Variants in CWC22 observed in about 807,000 individuals in gnomAD.
CWC22 encodes pre-mRNA-splicing factor CWC22 homolog.
CWC22 carries 53 observed loss-of-function variants against 117.2 expected under a neutral mutation model. The ratio of observed to expected loss-of-function variants is 0.45; its 90% CI spans 0.36 to 0.57. The LOEUF (loss-of-function observed/expected upper bound fraction) is 0.57. Ranked by LOEUF, CWC22 falls within the 20% of genes least tolerant of loss-of-function variation. The pLI, the probability that CWC22 is intolerant of heterozygous loss-of-function variation, is 0.00. For synonymous variants in CWC22, 360 were observed against 355.6 expected (o/e 1.01, Z -0.14); for missense variants, 980 against 1,068.8 (o/e 0.92, Z 1.16).
intron 5 of CWC22, among the ~76,000 whole-genome samples, chr2:179,978,930 T>C (rs1193391551): frequency 6.6e-6 from 1 of 152,164 alleles, no homozygotes; most frequent in Non-Finnish European, 1.5e-5. Context: ...GCTATACCAG[T>C]TGAATGTTAG....
intron 16 of CWC22, among the ~76,000 whole-genome samples, chr2:179,953,642 A>G (rs1238311103): frequency 6.6e-6 from 1 of 152,122 alleles, no homozygotes; most frequent in African/African-American, 2.4e-5. Context: ...CAGCTTAATG[A>G]ACGCCTTTCA....
chr2:180,001,762 T>C (rs1357589926), intron 1 of CWC22, among the ~76,000 whole-genome samples: 1 of 152,250 alleles, frequency 6.6e-6, no homozygotes, highest in Admixed American at 6.5e-5. Flanking sequence ...TTCCTTCTTT[T>C]ATGGGACATT....
At chr2:179,986,957 T>C (rs1206305726) in intron 3 of CWC22, among the ~76,000 whole-genome samples, 152 bp from the exon 4 acceptor site, 1 of 152,204 alleles carries the variant, frequency 6.6e-6, no homozygotes, top group Non-Finnish European at 1.5e-5. Flanking sequence ...TAACACCCAT[T>C]CATTCCATCA....
chr2:179,978,189 C>T lies in CWC22; in HGVS notation c.581+1G>A. The T allele has an allele frequency of 6.6e-7, 1 of 1,525,074 alleles. No homozygotes were observed. Among genetic ancestry groups the T allele is most frequent in the Non-Finnish European group, 8.7e-7 (1 of 1,142,954 alleles). 94.5% of individuals were successfully genotyped at this position (1,525,074 alleles called of 1,614,324 possible). The stretch of plus-strand genomic sequence containing the variant: ...CTACAAATAAAATAGCCAATACTTA[C>T]CTTCCTCTAACTATATTTTCTTGAA... On this transcript the variant is annotated splice_donor_variant, in intron 6 of 19. Coordinates refer to ENST00000410053, the MANE Select transcript of CWC22 (RefSeq NM_020943.3). LOFTEE classifies it high-confidence loss of function.
rs182736159 is a variant in CWC22, at chr2:179,985,657, C to T, written c.206+1038G>A. Among the ~76,000 whole-genome samples, 279 of 152,126 alleles carry T rather than the reference C, an allele frequency of 1.8e-3. 3 individuals are homozygous for T. The highest frequency in any genetic ancestry group is 2.9e-4 in the Non-Finnish European group (20 of 67,908). On this transcript the variant is annotated intron_variant, in intron 4 of 19. Coordinates refer to ENST00000410053, the MANE Select transcript of CWC22 (RefSeq NM_020943.3). The stretch of plus-strand genomic sequence containing the variant: ...GGTCCAAAAATAAGTGACTACAGTA[C>T]AATAAGATATTTTGAGAGAGGCAGA...
intron 6 of CWC22, among the ~76,000 whole-genome samples, chr2:179,974,209 C>T (rs1687101168): frequency 6.6e-6 from 1 of 152,144 alleles, no homozygotes; most frequent in South Asian, 2.1e-4. Context: ...TACTACAGAT[C>T]TGTCATTTTT....
At chr2:179,996,273 T>C (rs1687695000) in intron 1 of CWC22, among the ~76,000 whole-genome samples, 1 of 152,196 alleles carries the variant, frequency 6.6e-6, no homozygotes, top group Admixed American at 6.5e-5. Context: ...GGAATTAGTA[T>C]ATAAGGTTTT....
At chr2:179,977,648 A>G (rs147227624) in intron 6 of CWC22, among the ~76,000 whole-genome samples, 71 of 152,328 alleles carry the variant, frequency 4.7e-4, no homozygotes, top group African/African-American at 1.7e-3. Context: ...CCATTCTACA[A>G]TATTTTGACC....
Position 179,945,168 on chromosome 2 carries a change from C to G in CWC22, c.2688G>C (p.Gln896His). ...SEQSRESKKN[Q>H]DRRREKSPAK... ...CTGGAGACTTTTCTCTTCGCCGGTC[C>G]TGATTTTTCTTTGATTCTCTGGATT... The change falls in exon 20 of 20, where the codon CAG becomes CAC. Residue 896 changes from glutamine to histidine, a missense_variant. By Grantham distance (24) the Gln-to-His change is conservative (BLOSUM62 0). Coordinates refer to ENST00000410053, the MANE Select transcript of CWC22 (RefSeq NM_020943.3). 1 of 1,604,260 alleles carries G rather than the reference C, an allele frequency of 6.2e-7. No individual in the cohort carries two copies. The highest frequency in any genetic ancestry group is 8.5e-7 in the Non-Finnish European group (1 of 1,177,300).
chr2:179,948,655 T>C (rs549770553), intron 19 of CWC22, among the ~76,000 whole-genome samples: 106 of 152,234 alleles, frequency 7.0e-4, no homozygotes, highest in African/African-American at 2.0e-3. Context: ...TCTAATCTCA[T>C]TCTAATAAGG....
At chr2:179,982,975 G>C (rs1687323196) in intron 4 of CWC22, among the ~76,000 whole-genome samples, 1 of 152,112 alleles carries the variant, frequency 6.6e-6, no homozygotes, top group Admixed American at 6.5e-5. Context: ...CTGTGGTATA[G>C]ATTTTAGCTA....
At chr2:179,949,105 G>A (rs1205911174) in intron 19 of CWC22, among the ~76,000 whole-genome samples, 2 of 152,254 alleles carry the variant, frequency 1.3e-5, no homozygotes, top group South Asian at 2.1e-4. Flanking sequence ...AGTACTAGAG[G>A]GGCCAAGATG....
At chr2:179,960,967 T>C (rs1012305878) in intron 13 of CWC22, among the ~76,000 whole-genome samples, 27 of 151,982 alleles carry the variant, frequency 1.8e-4, no homozygotes, top group African/African-American at 6.5e-4. Context: ...CGATTTCTTA[T>C]ATTTTTCTAT....
intron 13 of CWC22, 92 bp from the exon 14 acceptor site, chr2:179,959,174 AT>A: frequency 1.3e-6 from 1 of 784,742 alleles, no homozygotes; most frequent in Non-Finnish European, 2.1e-6. Context: ...GTTTTAAATC[AT>A]CTTTTTTAAC....
chr2:179,998,701 CACT>C (rs1468500810), intron 1 of CWC22, among the ~76,000 whole-genome samples: 1 of 152,138 alleles, frequency 6.6e-6, no homozygotes, highest in Non-Finnish European at 1.5e-5. Flanking sequence ...TATAATGAAG[CACT>C]ACTTCTTTTC....
chr2:179,975,284 T>C (rs1687127933), intron 6 of CWC22, among the ~76,000 whole-genome samples: 1 of 152,096 alleles, frequency 6.6e-6, no homozygotes, highest in African/African-American at 2.4e-5. Flanking sequence ...TCACTCTCAC[T>C]AGAAATTAAA....
At chr2:179,998,897 T>C (rs1559298885) in intron 1 of CWC22, among the ~76,000 whole-genome samples, 1 of 152,208 alleles carries the variant, frequency 6.6e-6, no homozygotes, top group East Asian at 1.9e-4. Context: ...CTTCCCAACC[T>C]ACTTACACAT....
chr2:179,948,963 T>G (rs557343895), intron 19 of CWC22, among the ~76,000 whole-genome samples: 1 of 152,276 alleles, frequency 6.6e-6, no homozygotes, highest in Non-Finnish European at 1.5e-5. Context: ...TTAGGGGAAG[T>G]TGGAATGAAG....
chr2:179,979,253 A>G (rs1357019510), intron 5 of CWC22, among the ~76,000 whole-genome samples: 1 of 139,470 alleles, frequency 7.2e-6, no homozygotes, highest in Non-Finnish European at 1.5e-5. Flanking sequence ...AAAGTTTGAT[A>G]TAATATTCTA....
Sources: gnomAD v4.1 joint callset for allele counts (sites outside exome capture counted in the v4.1 genomes callset) on GRCh38, gnomAD v4.1.1 for gene constraint, MANE v1.5 for transcripts, NCBI Gene and HGNC (gene_info 2026-07-23, HGNC 2026-07-21) for gene names.